ZMAT4: variants seen among roughly 807,000 people sequenced by gnomAD.
ZMAT4 encodes the protein zinc finger matrin-type 4.
In ZMAT4, 17 loss-of-function variants were observed where a neutral mutation model predicts 28.7. The observed-to-expected ratio is 0.59, with a 90% CI of 0.41 to 0.89. The LOEUF (loss-of-function observed/expected upper bound fraction) is 0.89. Among genes scored for constraint, ZMAT4 ranks in the 40% least tolerant of loss-of-function variants. The pLI, the probability that ZMAT4 is intolerant of heterozygous loss-of-function variation, is 0.00. For synonymous variants in ZMAT4, 117 were observed against 109.2 expected, an observed-to-expected ratio of 1.07 and a Z score of -0.44; for missense variants, 240 against 283.8, an observed-to-expected ratio of 0.85 and a Z score of 1.11.
intron 3 of ZMAT4, among the ~76,000 whole-genome samples, chr8:40,704,454 C>A (rs1810270469): frequency 6.6e-6 from 1 of 152,188 alleles, no homozygotes; most frequent in South Asian, 2.1e-4. Flanking sequence ...AAGACGTCTG[C>A]AAATTTCATC....
At chr8:40,684,257 C>T (rs762215319) in intron 4 of ZMAT4, among the ~76,000 whole-genome samples, 3 of 152,300 alleles carry the variant, frequency 2.0e-5, no homozygotes, top group Non-Finnish European at 2.9e-5. Context: ...TATGACTTCA[C>T]GCATTGCTTA....
intron 3 of ZMAT4, among the ~76,000 whole-genome samples, chr8:40,751,944 C>A (rs1242504689): frequency 6.6e-6 from 1 of 152,142 alleles, no homozygotes; most frequent in Non-Finnish European, 1.5e-5. Flanking sequence ...AGACCCCTGT[C>A]CTCCTAAAGT....
At chr8:40,544,725 G>C (rs1803145963) in intron 6 of ZMAT4, among the ~76,000 whole-genome samples, 1 of 152,116 alleles carries the variant, frequency 6.6e-6, no homozygotes, top group Non-Finnish European at 1.5e-5. Context: ...TGAAAAAAAA[G>C]GTTAGTAGAC....
chr8:40,752,582 G>C (rs1812499061), intron 3 of ZMAT4, among the ~76,000 whole-genome samples: 1 of 152,178 alleles, frequency 6.6e-6, no homozygotes, highest in South Asian at 2.1e-4. Context: ...CAGCATCCCT[G>C]TGACCGCGGG....
At chr8:40,686,544 G>C (rs1231254822) in intron 4 of ZMAT4, among the ~76,000 whole-genome samples, 1 of 152,054 alleles carries the variant, frequency 6.6e-6, no homozygotes, top group Non-Finnish European at 1.5e-5. Context: ...TGAGGTGAGA[G>C]ATTCCTTTGA....
chr8:40,856,095 C>A (rs1251838697), intron 1 of ZMAT4, among the ~76,000 whole-genome samples: 1 of 152,172 alleles, frequency 6.6e-6, no homozygotes, highest in African/African-American at 2.4e-5. Flanking sequence ...TTGGTTCACA[C>A]AGGCCCACAG....
chr8:40,737,893 G>A (rs1363826243), intron 3 of ZMAT4, among the ~76,000 whole-genome samples: 1 of 151,926 alleles, frequency 6.6e-6, no homozygotes, highest in Non-Finnish European at 1.5e-5. Flanking sequence ...ACTGAGCCTA[G>A]AGTCTGGTCC....
chr8:40,673,455 G>A lies in ZMAT4; in HGVS notation c.577+1249C>T, dbSNP rs137925543. Among the ~76,000 whole-genome samples, 231 of 152,204 alleles carry A rather than the reference G, an allele frequency of 1.5e-3. 1 individual carries two copies. Among genetic ancestry groups the A allele is most frequent in the African/African-American group, 5.2e-3 (214 of 41,512 alleles). Reference sequence around the variant, plus strand: ...GAACCCTGTTTAAACTGAGGTTGCCGTCTCCAAATTGATTTGCAAATGTTG... The same window carrying A: ...GAACCCTGTTTAAACTGAGGTTGCCATCTCCAAATTGATTTGCAAATGTTG... On this transcript the variant is annotated intron_variant, in intron 5 of 6. Coordinates refer to ENST00000297737, the MANE Select transcript of ZMAT4 (RefSeq NM_024645.3).
At chr8:40,791,750 G>C (rs543467449) in intron 2 of ZMAT4, among the ~76,000 whole-genome samples, 1 of 152,180 alleles carries the variant, frequency 6.6e-6, no homozygotes, top group Non-Finnish European at 1.5e-5. Flanking sequence ...ACTACACTGA[G>C]CAGCATATTC....
chr8:40,707,974 T>C (rs1810434638), intron 3 of ZMAT4, among the ~76,000 whole-genome samples: 1 of 152,184 alleles, frequency 6.6e-6, no homozygotes, highest in Non-Finnish European at 1.5e-5. Context: ...AGCAGTGGTA[T>C]CGTTTTTTTA....
At chr8:40,568,487 C>G (rs1271118551) in intron 6 of ZMAT4, among the ~76,000 whole-genome samples, 1 of 152,140 alleles carries the variant, frequency 6.6e-6, no homozygotes, top group Non-Finnish European at 1.5e-5. Context: ...AAACCCCAAC[C>G]TTGGGCAAGA....
intron 5 of ZMAT4, among the ~76,000 whole-genome samples, chr8:40,619,266 A>C (rs932519546): frequency 2.6e-5 from 4 of 152,172 alleles, no homozygotes; most frequent in African/African-American, 9.7e-5. Context: ...ATATGGGTGG[A>C]GCTCCAACAG....
intron 2 of ZMAT4, 135 bp downstream of exon 2, chr8:40,825,440 C>T: frequency 1.4e-6 from 1 of 692,036 alleles, no homozygotes. Context: ...GCCTTGACCT[C>T]AGACTGTACA....
At chr8:40,813,499 G>A (rs990359830) in intron 2 of ZMAT4, among the ~76,000 whole-genome samples, 4 of 152,242 alleles carry the variant, frequency 2.6e-5, no homozygotes, top group Admixed American at 2.0e-4. Context: ...TCCAGGGGTA[G>A]AAGAAGGAAA....
rs149885156 is a variant in ZMAT4 at position 40,565,533 on chromosome 8, C to T, written c.674+15632G>A. ...CTGGGGTTACAGACATCCGCCACCA[C>T]GCCCAGCTAATTTTTTGTATTTTTA... On this transcript the variant is annotated intron_variant, in intron 6 of 6. Coordinates refer to ENST00000297737, the MANE Select transcript of ZMAT4 (RefSeq NM_024645.3). 3.0e-4 allele frequency among the ~76,000 whole-genome samples: 45 copies of T among 151,792 alleles called. No homozygotes were observed. In the East Asian group the frequency reaches 8.4e-3, roughly 28 times the overall value.
intron 3 of ZMAT4, among the ~76,000 whole-genome samples, chr8:40,756,053 A>C (rs2150550837): frequency 6.6e-6 from 1 of 152,216 alleles, no homozygotes; most frequent in African/African-American, 2.4e-5. Flanking sequence ...AAGGGAACCC[A>C]TACACATTGA....
intron 1 of ZMAT4, among the ~76,000 whole-genome samples, chr8:40,841,592 G>A (rs1339857230): frequency 6.6e-6 from 1 of 152,156 alleles, no homozygotes; most frequent in East Asian, 1.9e-4. Context: ...CGCCCGACAG[G>A]TGTCGTACAC....
chr8:40,795,426 T>A (rs1031762590), intron 2 of ZMAT4, among the ~76,000 whole-genome samples: 5 of 152,220 alleles, frequency 3.3e-5, no homozygotes, highest in African/African-American at 1.2e-4. Context: ...ACCATGAGAC[T>A]GTTTTTTAGT....
intron 2 of ZMAT4, among the ~76,000 whole-genome samples, chr8:40,795,774 G>T (rs916267905): frequency 6.6e-6 from 1 of 152,130 alleles, no homozygotes; most frequent in Admixed American, 6.5e-5. Flanking sequence ...ATTGCAAACC[G>T]ATGACATTCT....
Sources: gnomAD v4.1 joint callset for allele counts (sites outside exome capture counted in the v4.1 genomes callset) on GRCh38, gnomAD v4.1.1 for gene constraint, MANE v1.5 for transcripts, NCBI Gene and HGNC (gene_info 2026-07-23, HGNC 2026-07-21) for gene names.